HIP1: variants seen among roughly 807,000 people sequenced by gnomAD.
The protein encoded by HIP1 is huntingtin-interacting protein 1.
HIP1 carries 65 observed loss-of-function variants against 147.6 expected under a neutral mutation model. The ratio of observed to expected loss-of-function variants is 0.44; its 90% CI spans 0.36 to 0.54. HIP1 has a LOEUF of 0.54. Ranked by LOEUF, HIP1 falls within the 20% of genes least tolerant of loss-of-function variation. HIP1 has a pLI of 0.00. For synonymous variants in HIP1, 479 were observed against 504.0 expected (o/e 0.95, Z 0.67); for missense variants, 1,061 against 1,299.6 (o/e 0.82, Z 2.82).
intron 2 of HIP1, among the ~76,000 whole-genome samples, chr7:75,595,230 T>TCC (rs1563230113): frequency 1.2e-3 from 127 of 109,008 alleles, no homozygotes; most frequent in South Asian, 7.6e-3. Context: ...CTTTCTTTCT[T>TCC]TCTTTCTTTC....
At chr7:75,600,359 C>G (rs943934673) in intron 1 of HIP1, among the ~76,000 whole-genome samples, 2 of 152,218 alleles carry the variant, frequency 1.3e-5, no homozygotes, top group African/African-American at 4.8e-5. Flanking sequence ...GATCCTCCCA[C>G]CTCTGCCTCC....
chr7:75,557,892 C>A, intron 15 of HIP1, 122 bp from the exon 16 acceptor site: 1 of 757,818 alleles, frequency 1.3e-6, no homozygotes. Flanking sequence ...CACTTTCCTA[C>A]CCACAGCCGG....
At chr7:75,564,404 C>A (rs1795335771) in intron 9 of HIP1, among the ~76,000 whole-genome samples, 1 of 150,826 alleles carries the variant, frequency 6.6e-6, no homozygotes, top group Non-Finnish European at 1.5e-5. Context: ...AAGGGATTCT[C>A]CTGCCTCAGC....
chr7:75,663,308 T>C (rs972132009), intron 1 of HIP1, among the ~76,000 whole-genome samples: 4 of 152,002 alleles, frequency 2.6e-5, no homozygotes, highest in African/African-American at 9.7e-5. Context: ...TAAACAAATA[T>C]AATGTCCAGA....
chr7:75,675,294 G>C (rs752621720), intron 1 of HIP1, among the ~76,000 whole-genome samples: 1 of 152,086 alleles, frequency 6.6e-6, no homozygotes, highest in East Asian at 1.9e-4. Flanking sequence ...TCCACTTCCC[G>C]GGTTCAAGTG....
chr7:75,575,005 A>G (rs1795794503), intron 7 of HIP1, among the ~76,000 whole-genome samples: 1 of 151,834 alleles, frequency 6.6e-6, no homozygotes, highest in African/African-American at 2.4e-5. Flanking sequence ...TGAAAATACA[A>G]AAATTAGCCA....
In HIP1 at chr7:75,563,024, C is replaced by G; in HGVS notation, c.931G>C (p.Val311Leu). 2 of 1,614,200 alleles carry G rather than the reference C, an allele frequency of 1.2e-6. No homozygotes were observed. Among genetic ancestry groups the G allele is most frequent in the Non-Finnish European group, 1.7e-6 (2 of 1,180,012 alleles). The change falls in exon 11 of 31, where the codon GTG (valine) becomes CTG (leucine). Residue 311 changes from valine (V) to leucine (L), a missense_variant. By Grantham distance (32) the Val-to-Leu change is conservative. Around this residue, in one of 3 missense-constraint regions of HIP1, gnomAD observed 810 missense variants for 946.8 expected, o/e 0.86. Transcript: ENST00000336926. ...GAGGCCTCTGCAGGGATCACCACCA[C>G]AGGGCTGATATGTTCTGACAGGGCT... is the stretch of plus-strand genomic sequence containing the variant. ...ASALSEHISPVVVIPAEASSP... is the reference protein window; with the variant it reads ...ASALSEHISPLVVIPAEASSP...
intron 1 of HIP1, among the ~76,000 whole-genome samples, chr7:75,643,291 C>A (rs1427674154): frequency 6.6e-6 from 1 of 152,126 alleles, no homozygotes; most frequent in Non-Finnish European, 1.5e-5. Flanking sequence ...AGGGCTGTAA[C>A]GTTTACAAAA....
chr7:75,658,893 C>CA (rs1799220133), intron 1 of HIP1, among the ~76,000 whole-genome samples: 1 of 151,868 alleles, frequency 6.6e-6, no homozygotes, highest in Non-Finnish European at 1.5e-5. Context: ...GACGCCATCT[C>CA]AAAAAAACCA....
chr7:75,546,929 C>T lies in HIP1; in HGVS notation c.2559+10G>A, dbSNP rs1794587660. 6.4e-7 allele frequency: 1 copy of T among 1,553,774 alleles called. No individual in the cohort carries two copies. Among genetic ancestry groups the T allele is most frequent in the Non-Finnish European group, 8.7e-7 (1 of 1,146,204 alleles). ...TCCTCTTCCTGCCCAGGGCCCACAC[C>T]CACGCTCACCCTGCCGCTCTCCACA... On this transcript the variant is annotated intron_variant, in intron 25 of 30. Coordinates refer to ENST00000336926, the MANE Select transcript of HIP1 (RefSeq NM_005338.7).
intron 1 of HIP1, among the ~76,000 whole-genome samples, chr7:75,729,175 AAG>A (rs1491014974): frequency 3.2e-4 from 48 of 150,328 alleles, no homozygotes; most frequent in African/African-American, 1.1e-3. Context: ...AAAAAAAAAA[AAG>A]AAGAAGCATT....
At chr7:75,688,097 A>G (rs966210187) in intron 1 of HIP1, among the ~76,000 whole-genome samples, 1 of 152,094 alleles carries the variant, frequency 6.6e-6, no homozygotes, top group African/African-American at 2.4e-5. Flanking sequence ...AACTCAGTCT[A>G]CTTGTTAGTT....
intron 1 of HIP1, among the ~76,000 whole-genome samples, chr7:75,725,392 A>G (rs1194389645): frequency 3.9e-5 from 6 of 152,050 alleles, no homozygotes; most frequent in African/African-American, 1.4e-4. Flanking sequence ...ACAAAACCGT[A>G]TTGCTTAATG....
At chr7:75,726,971 C>T (rs1489214783) in intron 1 of HIP1, among the ~76,000 whole-genome samples, 7 of 152,156 alleles carry the variant, frequency 4.6e-5, no homozygotes, top group Middle Eastern at 3.4e-3. Flanking sequence ...GCCATTGTGC[C>T]TGGCCAGTAC....
At chr7:75,573,316 G>A (rs984117509) in intron 8 of HIP1, among the ~76,000 whole-genome samples, 2 of 152,212 alleles carry the variant, frequency 1.3e-5, no homozygotes, top group Non-Finnish European at 2.9e-5. Context: ...TCTGCTGAGA[G>A]CTGAACACTC....
At chr7:75,637,374 C>T (rs1554509816) in intron 1 of HIP1, among the ~76,000 whole-genome samples, 1 of 152,046 alleles carries the variant, frequency 6.6e-6, no homozygotes, top group Non-Finnish European at 1.5e-5. Flanking sequence ...AAGGGTGATT[C>T]GGTTTAGTGG....
chr7:75,694,542 ACT>A (rs1800572981), intron 1 of HIP1, among the ~76,000 whole-genome samples: 1 of 124,644 alleles, frequency 8.0e-6, no homozygotes, highest in Admixed American at 9.4e-5. Flanking sequence ...ACAGGGTCTC[ACT>A]CTGTCTCCCA....
At chr7:75,550,837 C>A (rs1314400494) in intron 22 of HIP1, among the ~76,000 whole-genome samples, 1 of 152,118 alleles carries the variant, frequency 6.6e-6, no homozygotes, top group Non-Finnish European at 1.5e-5. Context: ...TTTCACTCAA[C>A]ATTCTATGTG....
intron 1 of HIP1, among the ~76,000 whole-genome samples, chr7:75,633,821 T>A (rs1476430372): frequency 6.6e-6 from 1 of 152,198 alleles, no homozygotes; most frequent in African/African-American, 2.4e-5. Context: ...TTTTCCGCTC[T>A]GCCATCAATA....
Sources: allele counts gnomAD v4.1 joint callset (sites outside exome capture counted in the v4.1 genomes callset), GRCh38; gene constraint gnomAD v4.1.1; regional missense constraint gnomAD v4.1.1; transcripts MANE v1.5; gene names NCBI Gene and HGNC (gene_info 2026-07-23, HGNC 2026-07-21).